PRKD1: variants seen among roughly 807,000 people sequenced by gnomAD.
PRKD1 encodes the protein protein kinase D1.
PRKD1 carries 63 observed loss-of-function variants against 95.9 expected under a neutral mutation model. That is an observed-to-expected ratio of 0.66 (90% CI 0.54 to 0.81). The LOEUF (loss-of-function observed/expected upper bound fraction) is 0.81. Among genes scored for constraint, PRKD1 ranks in the 30% least tolerant of loss-of-function variants. The pLI is 0.00. For synonymous variants in PRKD1, 425 were observed against 423.1 expected, an observed-to-expected ratio of 1.00 and a Z score of -0.05; for missense variants, 1,048 against 1,165.3, an observed-to-expected ratio of 0.90 and a Z score of 1.47.
intron 11 of PRKD1, among the ~76,000 whole-genome samples, chr14:29,628,153 T>G (rs531472679): frequency 1.5e-4 from 23 of 152,330 alleles, no homozygotes; most frequent in African/African-American, 5.5e-4. Flanking sequence ...TATCTAACCT[T>G]CACTATGAAG....
chr14:29,733,375 C>T (rs887462989), intron 1 of PRKD1, among the ~76,000 whole-genome samples: 2 of 152,114 alleles, frequency 1.3e-5, no homozygotes, highest in Admixed American at 6.5e-5. Context: ...GCTGGGATTA[C>T]AGGAGTGAGC....
At chr14:29,684,255 A>T (rs1883721471) in intron 2 of PRKD1, among the ~76,000 whole-genome samples, 1 of 150,634 alleles carries the variant, frequency 6.6e-6, no homozygotes, top group African/African-American at 2.5e-5. Context: ...GGTTCAAGCG[A>T]TTCTCCTACC....
chr14:29,839,491 G>C (rs1357251144), intron 1 of PRKD1, among the ~76,000 whole-genome samples: 1 of 152,154 alleles, frequency 6.6e-6, no homozygotes, highest in African/African-American at 2.4e-5. Context: ...GGGGTGCACG[G>C]TGCAAGCTGT....
At chr14:29,612,172 G>A (rs1203195411) in intron 13 of PRKD1, among the ~76,000 whole-genome samples, 2 of 152,086 alleles carry the variant, frequency 1.3e-5, no homozygotes, top group African/African-American at 4.8e-5. Context: ...AAGTCAAATG[G>A]TAATACCTTA....
intron 2 of PRKD1, among the ~76,000 whole-genome samples, chr14:29,706,265 A>C (rs1309683266): frequency 6.6e-6 from 1 of 152,102 alleles, no homozygotes; most frequent in East Asian, 1.9e-4. Flanking sequence ...GTCTATTCAA[A>C]TTCTTTGCCC....
At chr14:29,596,917 C>G (rs1278490818) in intron 16 of PRKD1, among the ~76,000 whole-genome samples, 1 of 152,018 alleles carries the variant, frequency 6.6e-6, no homozygotes. Context: ...GCAACACTGT[C>G]AAGGTAATCT....
intron 1 of PRKD1, among the ~76,000 whole-genome samples, chr14:29,782,698 C>A (rs1220759605): frequency 6.6e-6 from 1 of 151,780 alleles, no homozygotes; most frequent in Non-Finnish European, 1.5e-5. Context: ...TACCACCATG[C>A]CCAGCTAATT....
chr14:29,708,931 A>G (rs746958158), intron 2 of PRKD1, among the ~76,000 whole-genome samples: 10 of 152,098 alleles, frequency 6.6e-5, no homozygotes, highest in Non-Finnish European at 1.0e-4. Context: ...AAGATAGCAA[A>G]ATTTTTTATA....
At chr14:29,644,867 G>C (rs1286600153) in intron 4 of PRKD1, among the ~76,000 whole-genome samples, 5 of 146,892 alleles carry the variant, frequency 3.4e-5, no homozygotes, top group Non-Finnish European at 7.5e-5. Flanking sequence ...TATACCTCAT[G>C]TATAAATAAA....
intron 2 of PRKD1, among the ~76,000 whole-genome samples, chr14:29,688,750 G>A (rs1430912053): frequency 1.3e-5 from 2 of 151,886 alleles, no homozygotes; most frequent in Admixed American, 6.6e-5. Flanking sequence ...TGGGCAACAC[G>A]GTGAAACCTC....
At chr14:29,783,517 G>A (rs188445324) in intron 1 of PRKD1, among the ~76,000 whole-genome samples, 7 of 152,234 alleles carry the variant, frequency 4.6e-5, no homozygotes, top group Non-Finnish European at 8.8e-5. Context: ...ACCCAGTAGT[G>A]GGATTGCTGG....
chr14:29,898,121 T>C (rs1894196157), intron 1 of PRKD1, among the ~76,000 whole-genome samples: 2 of 152,162 alleles, frequency 1.3e-5, no homozygotes, highest in South Asian at 4.1e-4. Flanking sequence ...AGAATTTTTA[T>C]ACTGTTTTTG....
intron 1 of PRKD1, among the ~76,000 whole-genome samples, chr14:29,777,408 G>T (rs2139156780): frequency 6.6e-6 from 1 of 152,208 alleles, no homozygotes; most frequent in South Asian, 2.1e-4. Flanking sequence ...CATCTCACGT[G>T]CAGAGATACA....
At chr14:29,587,957 T>A (rs1372381952) in intron 16 of PRKD1, among the ~76,000 whole-genome samples, 1 of 152,164 alleles carries the variant, frequency 6.6e-6, no homozygotes, top group African/African-American at 2.4e-5. Flanking sequence ...TGGCACCCAG[T>A]CAGCATTTTT....
chr14:29,749,350 C>T (rs117924858), intron 1 of PRKD1, among the ~76,000 whole-genome samples: 5 of 152,164 alleles, frequency 3.3e-5, no homozygotes, highest in Non-Finnish European at 4.4e-5. Flanking sequence ...AGGCAAGAAC[C>T]CCAGGATAGA....
At chr14:29,719,220 G>C (rs1422336026) in intron 2 of PRKD1, among the ~76,000 whole-genome samples, 1 of 152,082 alleles carries the variant, frequency 6.6e-6, no homozygotes, top group African/African-American at 2.4e-5. Context: ...GTGAACTTAT[G>C]ATGGGATCCT....
intron 1 of PRKD1, among the ~76,000 whole-genome samples, chr14:29,908,462 T>G (rs1276488206): frequency 5.3e-5 from 8 of 151,622 alleles, no homozygotes; most frequent in Admixed American, 4.6e-4. Flanking sequence ...CCTGGCTAAT[T>G]TTTCCGTAGA....
At chr14:29,909,009 C>T (rs571121233) in intron 1 of PRKD1, among the ~76,000 whole-genome samples, 6 of 152,134 alleles carry the variant, frequency 3.9e-5, no homozygotes, top group African/African-American at 9.7e-5. Flanking sequence ...GAAGCGCAAG[C>T]GGGAACCAGG....
intron 1 of PRKD1, among the ~76,000 whole-genome samples, chr14:29,779,059 C>G (rs1048252739): frequency 7.2e-5 from 11 of 152,150 alleles, no homozygotes; most frequent in African/African-American, 2.7e-4. Flanking sequence ...TGAATAGATG[C>G]AGAAAAGGCC....
Sources: gnomAD v4.1 joint callset for allele counts (sites outside exome capture counted in the v4.1 genomes callset) on GRCh38, gnomAD v4.1.1 for gene constraint, MANE v1.5 for transcripts, NCBI Gene and HGNC (gene_info 2026-07-23, HGNC 2026-07-21) for gene names.